Variants in TNKS1BP1 observed in about 807,000 individuals in gnomAD.
TNKS1BP1 encodes CCR4-NOT transcription complex subunit 12.
In TNKS1BP1, 48 loss-of-function variants were observed where a neutral mutation model predicts 141.1. That is an observed-to-expected ratio of 0.34 (90% CI 0.27 to 0.43). The LOEUF (loss-of-function observed/expected upper bound fraction) is 0.43. TNKS1BP1 is among the 20% of genes least tolerant of loss of function. TNKS1BP1 has a pLI of 1.00. For synonymous variants in TNKS1BP1, 875 were observed against 898.2 expected (o/e 0.97, Z 0.46); for missense variants, 2,149 against 2,226.0 (o/e 0.97, Z 0.70).
In TNKS1BP1 at chr11:57,321,789, T is replaced by TA. The variant is rs1421800188; in HGVS notation, c.94+2dup. 3 of 1,585,936 alleles carry TA rather than the reference T, an allele frequency of 1.9e-6. No individual in the cohort carries two copies. The highest frequency in any genetic ancestry group is 2.6e-6 in the Non-Finnish European group (3 of 1,161,672). ...CCTGGCTCCACCCTGCACCCATTGG[T>TA]ACCTGGCTCAGAGCCAGTAGGCACC... On this transcript the variant is annotated splice_region_variant and intron_variant, in intron 2 of 11. Coordinates refer to ENST00000358252, the MANE Select transcript of TNKS1BP1 (RefSeq NM_033396.3).
At position 57,302,628 on chromosome 11, in the gene TNKS1BP1, G is replaced by C; in HGVS notation, c.4514C>G (p.Pro1505Arg). The change falls in exon 7 of 12, where the codon CCC (proline) becomes CGC (arginine). Residue 1505 changes from proline (P) to arginine (R), a missense_variant. Physicochemically the swap from Pro to Arg is moderately radical, Grantham distance 103. Transcript: ENST00000358252. The surrounding 1 kb of genome is among the most constrained non-coding windows in gnomAD (Gnocchi z 5.5). ...EVLEPGRDSP[P>R]SWRPQPDGEA... is the part of the protein sequence containing the mutation. ...ACCATCAGGCTGCGGCCTCCAGGAG[G>C]GTGGAGAGTCCCTGCCAGGCTCCAG... 6.2e-7 allele frequency: 1 copy of C among 1,611,778 alleles called. No individual in the cohort carries two copies.
Position 57,308,936 on chromosome 11 carries a change from C to T in TNKS1BP1, c.3775G>A (p.Asp1259Asn), listed in dbSNP as rs1183459077. 6.2e-7 allele frequency: 1 copy of T among 1,614,126 alleles called. No individual in the cohort carries two copies. The highest frequency in any genetic ancestry group is 1.1e-5 in the South Asian group (1 of 91,078). Reference protein sequence around the residue: ...QARESGVGQTDWSGVEAGEFL... With the variant: ...QARESGVGQTNWSGVEAGEFL... ...TCTCCGGCCTCCACACCTGACCAGT[C>T]AGTCTGCCCCACGCCACTCTCTCTG... Residue 1259 changes from aspartate (D) to asparagine (N), a missense_variant, in exon 6 of 12, where the codon GAC becomes AAC. Coordinates refer to ENST00000358252, the MANE Select transcript of TNKS1BP1 (RefSeq NM_033396.3).
chr11:57,304,796 C>T (rs767734257), intron 6 of TNKS1BP1, among the ~76,000 whole-genome samples: 4 of 135,892 alleles, frequency 2.9e-5, no homozygotes, highest in East Asian at 2.4e-4. Flanking sequence ...CGCTTGAACC[C>T]GGGTGGTGGA....
At chr11:57,324,030 G>A (rs1264147463) in intron 1 of TNKS1BP1, among the ~76,000 whole-genome samples, 3 of 152,306 alleles carry the variant, frequency 2.0e-5, no homozygotes, top group East Asian at 3.9e-4. Context: ...GATTCGCAGC[G>A]GTTCTGAGCA....
Position 57,308,941 on chromosome 11 carries a change from T to C in TNKS1BP1, c.3770A>G (p.Gln1257Arg), listed in dbSNP as rs756516935. Residue 1257 changes from glutamine to arginine, a missense_variant, in exon 6 of 12, where the codon CAG becomes CGG. Coordinates refer to ENST00000358252, the MANE Select transcript of TNKS1BP1 (RefSeq NM_033396.3). ...GGCCTCCACACCTGACCAGTCAGTCTGCCCCACGCCACTCTCTCTGGCCTG... is the reference window on the plus strand; with the variant it reads ...GGCCTCCACACCTGACCAGTCAGTCCGCCCCACGCCACTCTCTCTGGCCTG... The part of the protein sequence containing the change: ...HSQARESGVG[Q>R]TDWSGVEAGE... 3 of 1,614,122 alleles carry C rather than the reference T, an allele frequency of 1.9e-6. No individual in the cohort carries two copies. Among genetic ancestry groups the C allele is most frequent in the Non-Finnish European group, 1.7e-6 (2 of 1,180,018 alleles).
Position 57,320,560 on chromosome 11 carries a change from T to A in TNKS1BP1, c.247A>T (p.Met83Leu). The change falls in exon 3 of 12, where the codon ATG becomes TTG. Residue 83 changes from methionine to leucine, a missense_variant. By Grantham distance (15) the Met-to-Leu change is conservative. Coordinates refer to ENST00000358252, the MANE Select transcript of TNKS1BP1 (RefSeq NM_033396.3). ...AELPSARKMN[M>L]LAGPQPYGGS... ...CCATAGGGCTGGGGTCCTGCCAGCA[T>A]GTTCATCTTCCTGGCAGAAGGCAAC... 6.2e-7 allele frequency: 1 copy of A among 1,614,102 alleles called. No individual in the cohort carries two copies. The highest frequency in any genetic ancestry group is 1.7e-5 in the Admixed American group (1 of 60,018).
intron 6 of TNKS1BP1, among the ~76,000 whole-genome samples, chr11:57,307,519 C>T (rs549469865): frequency 1.1e-3 from 172 of 152,228 alleles, no homozygotes; most frequent in Non-Finnish European, 1.7e-3. Context: ...CTAGCCCCTT[C>T]CTGCTCCTCT....
In TNKS1BP1 at chr11:57,309,603, C is replaced by T. The variant is rs36099047; in HGVS notation, c.3108G>A (p.Pro1036=). Residue 1036 remains proline (P), a synonymous_variant, in exon 6 of 12, where the codon CCG becomes CCA. Transcript: ENST00000358252. This position sits in a 1 kb window ranked among gnomAD's most constrained non-coding sequence, Gnocchi z 4.3. ...GLFSPSTAHV[P]DGALGQRDQS... is the part of the protein sequence containing the mutation. ...GGTCTCTCTGCCCGAGTGCCCCATCCGGCACGTGGGCAGTGCTAGGACTGA... is the reference window on the plus strand; with the variant it reads ...GGTCTCTCTGCCCGAGTGCCCCATCTGGCACGTGGGCAGTGCTAGGACTGA... 2,467 of 1,613,890 alleles carry T rather than the reference C, an allele frequency of 1.5e-3. 3 individuals are homozygous for T. Among genetic ancestry groups the T allele is most frequent in the Non-Finnish European group, 1.9e-3 (2,269 of 1,180,044 alleles).
intron 6 of TNKS1BP1, among the ~76,000 whole-genome samples, chr11:57,306,668 G>A (rs1356612505): frequency 2.0e-5 from 3 of 152,060 alleles, no homozygotes; most frequent in Non-Finnish European, 2.9e-5. Flanking sequence ...ATGGCATCAC[G>A]GCTAACCCCT....
chr11:57,305,706 G>A (rs533359534), intron 6 of TNKS1BP1, among the ~76,000 whole-genome samples: 2 of 152,262 alleles, frequency 1.3e-5, no homozygotes, highest in African/African-American at 2.4e-5. Context: ...CGTGGGAACC[G>A]GTGCAAGTCA....
intron 6 of TNKS1BP1, among the ~76,000 whole-genome samples, chr11:57,306,916 T>TGGGGGGGGGGGAGGG (rs1189050190): frequency 8.8e-5 from 1 of 11,384 alleles, no homozygotes; most frequent in African/African-American, 5.2e-4. Flanking sequence ...GGGGGGGGGT[T>TGGGGGGGGGGGAGGG]GGGTGGGAGG....
At chr11:57,323,184 C>CTA (rs1417884424) in intron 1 of TNKS1BP1, among the ~76,000 whole-genome samples, 1 of 152,166 alleles carries the variant, frequency 6.6e-6, no homozygotes, top group African/African-American at 2.4e-5. Context: ...CACCAATGAG[C>CTA]TAACATCCCT....
chr11:57,312,516 C>G lies in TNKS1BP1; in HGVS notation c.2154+18G>C, dbSNP rs776518679. 8.5e-5 allele frequency: 125 copies of G among 1,464,612 alleles called. No homozygotes were observed. The highest frequency in any genetic ancestry group is 9.5e-5 in the Non-Finnish European group (105 of 1,106,310). The allele number at this position is 1,464,612 out of a possible 1,614,324, so 90.7% of individuals were successfully genotyped here. A position where few individuals can be genotyped will look rare whatever the true frequency, so the allele number is the denominator to read the frequency against. Reference sequence around the variant, plus strand: ...CCTCTGTCCCCAGAAGTCCCATTCTCCCTATGCCCATTCTCACCTCAGAGC... The same window carrying G: ...CCTCTGTCCCCAGAAGTCCCATTCTGCCTATGCCCATTCTCACCTCAGAGC... On this transcript the variant is annotated intron_variant, in intron 5 of 11. Coordinates refer to ENST00000358252, the MANE Select transcript of TNKS1BP1 (RefSeq NM_033396.3).
At chr11:57,310,831 T>A (rs1855695990) in intron 5 of TNKS1BP1, among the ~76,000 whole-genome samples, 2 of 152,198 alleles carry the variant, frequency 1.3e-5, no homozygotes, top group Non-Finnish European at 2.9e-5. Flanking sequence ...CAGTGGGCAC[T>A]CAATCGATGG....
chr11:57,308,633 T>C lies in TNKS1BP1; in HGVS notation c.4078A>G (p.Ser1360Gly), dbSNP rs1305491598. The change falls in exon 6 of 12, where the codon AGT becomes GGT. Residue 1360 changes from serine to glycine, a missense_variant. Physicochemically the swap from Ser to Gly is moderately conservative, Grantham distance 56. Coordinates refer to ENST00000358252, the MANE Select transcript of TNKS1BP1 (RefSeq NM_033396.3). ...CCCACCCCATGCTCCCTGGCTTCAC[T>C]TGGAGCCCCAAAGAGCTCCACATTC... is the stretch of plus-strand genomic sequence containing the variant. Reference protein sequence around the residue: ...PQNVELFGAPSEAREHGVGGV... With the variant: ...PQNVELFGAPGEAREHGVGGV... The C allele has an allele frequency of 1.5e-5, 23 of 1,581,376 alleles. No homozygotes were observed. The highest frequency in any genetic ancestry group is 1.7e-4 in the Middle Eastern group (1 of 5,872).
At position 57,309,970 on chromosome 11, in the gene TNKS1BP1, T is replaced by C. The variant is rs190405500; in HGVS notation, c.2741A>G (p.His914Arg). 2.0e-4 allele frequency: 323 copies of C among 1,614,070 alleles called. 3 individuals are homozygous for C. The East Asian group carries it at 5.6e-3, about 28-fold the overall frequency. Residue 914 changes from histidine (H) to arginine (R), a missense_variant, in exon 6 of 12, where the codon CAC becomes CGC. By Grantham distance (29) the His-to-Arg change is conservative. Coordinates refer to ENST00000358252, the MANE Select transcript of TNKS1BP1 (RefSeq NM_033396.3). The surrounding 1 kb of genome is among the most constrained non-coding windows in gnomAD (Gnocchi z 4.3). ...EQGQDLGKRD[H>R]HGRYSSQDAD... ...ATCCTGGCTGCTGTACCTACCATGG[T>C]GGTCCCTCTTCCCCAAATCTTGGCC...
Position 57,320,293 on chromosome 11 carries a change from G to C in TNKS1BP1, c.514C>G (p.Arg172Gly). ...TCGGGGCTGGCAAGGACCTCCTTCC[G>C]AGGCTGCTCCATCTTGGCCAGGATC... Reference protein sequence around the residue: ...EEILAKMEQPRKEVLASPDRL... With the variant: ...EEILAKMEQPGKEVLASPDRL... Residue 172 changes from arginine (R) to glycine (G), a missense_variant, in exon 3 of 12, where the codon CGG (arginine) becomes GGG (glycine). Coordinates refer to ENST00000358252, the MANE Select transcript of TNKS1BP1 (RefSeq NM_033396.3). The C allele has an allele frequency of 6.2e-7, 1 of 1,614,178 alleles. No homozygotes were observed. Among genetic ancestry groups the C allele is most frequent in the Non-Finnish European group, 8.5e-7 (1 of 1,180,042 alleles).
Position 57,317,827 on chromosome 11 carries a change from T to C in TNKS1BP1, c.789A>G (p.Leu263=). The C allele has an allele frequency of 6.2e-7, 1 of 1,613,730 alleles. No individual in the cohort carries two copies. Among genetic ancestry groups the C allele is most frequent in the Non-Finnish European group, 8.5e-7 (1 of 1,179,706 alleles). The part of the protein sequence containing the change: ...GDLAKAASSE[L]PADISKPWIP... ...CTGGAGGATAACTCACATCAGCAGG[T>C]AGCTCCGAGCTGGCTGCCTTAGCCA... The change falls in exon 4 of 12, where the codon CTA becomes CTG. Residue 263 remains leucine, a synonymous_variant. Transcript: ENST00000358252.
chr11:57,307,639 T>G (rs1855633563), intron 6 of TNKS1BP1, among the ~76,000 whole-genome samples: 1 of 152,038 alleles, frequency 6.6e-6, no homozygotes, highest in Non-Finnish European at 1.5e-5. Flanking sequence ...AAAGGTAACA[T>G]TTTCTGCTCA....
Sources: allele counts gnomAD v4.1 joint callset (sites outside exome capture counted in the v4.1 genomes callset), GRCh38; gene constraint gnomAD v4.1.1; non-coding constraint Gnocchi (gnomAD v3.1); transcripts MANE v1.5; gene names NCBI Gene and HGNC (gene_info 2026-07-23, HGNC 2026-07-21).